DOCK1: variants seen among roughly 807,000 people sequenced by gnomAD.
DOCK1 encodes the protein dedicator of cytokinesis protein 1.
A neutral mutation model predicts 262.7 loss-of-function variants in DOCK1; 138 were observed. The ratio of observed to expected loss-of-function variants is 0.53; its 90% CI spans 0.46 to 0.61. The LOEUF is 0.61. Among genes scored for constraint, DOCK1 ranks in the 20% least tolerant of loss-of-function variants. DOCK1 has a pLI of 0.00. For synonymous variants in DOCK1, 866 were observed against 867.4 expected, an observed-to-expected ratio of 1.00 and a Z score of 0.03; for missense variants, 1,908 against 2,370.7, an observed-to-expected ratio of 0.80 and a Z score of 4.05.
chr10:127,146,071 C>A (rs2051815226), intron 27 of DOCK1: 1 of 514,480 alleles, frequency 1.9e-6, no homozygotes. Context: ...GGACTGCGTC[C>A]CGTATTTACC....
At chr10:127,410,756 T>C in intron 42 of DOCK1, 84 bp from the exon 43 acceptor site, 2 of 1,248,726 alleles carry the variant, frequency 1.6e-6, no homozygotes, top group Non-Finnish European at 2.3e-6. Flanking sequence ...GGCAGTGACA[T>C]GTTCTAAGGC....
At chr10:127,279,530 A>T (rs1462440443) in intron 29 of DOCK1, among the ~76,000 whole-genome samples, 2 of 152,222 alleles carry the variant, frequency 1.3e-5, no homozygotes, top group Non-Finnish European at 2.9e-5. Context: ...ACTTGTTTTG[A>T]TGTAGAACTT....
At chr10:127,323,597 C>T (rs2766050) in intron 29 of DOCK1, among the ~76,000 whole-genome samples, 101,929 of 152,068 alleles carry the variant, frequency 0.67, 35,808 homozygotes, top group African/African-American at 0.89. Context: ...ATCCCGCTTC[C>T]CCAGACCACA....
chr10:127,280,897 G>A (rs929323350), intron 29 of DOCK1, among the ~76,000 whole-genome samples: 1 of 152,168 alleles, frequency 6.6e-6, no homozygotes, highest in Non-Finnish European at 1.5e-5. Context: ...ATAGTGCAAA[G>A]GAAGTGAAGA....
rs71941085 is a variant in DOCK1 at position 127,049,968 on chromosome 10, C to CTTT, written c.2202-2692_2202-2690dup. ...AACAGCATAATGACAAAACTGGCCTCTTTTTTTTTTTTTTTTTTTTTTTAC... is the reference window on the plus strand; with the variant it reads ...AACAGCATAATGACAAAACTGGCCTCTTTTTTTTTTTTTTTTTTTTTTTTTTAC... On this transcript the variant is annotated intron_variant, in intron 21 of 51. Transcript: ENST00000623213. Among the ~76,000 whole-genome samples the CTTT allele has an allele frequency of 9.7e-3, 975 of 100,020 alleles. 39 individuals are homozygous for CTTT. Among genetic ancestry groups the CTTT allele is most frequent in the East Asian group, 0.019 (59 of 3,116 alleles). 65.6% of individuals were successfully genotyped at this position (100,020 alleles called of 152,430 possible). A position where few individuals can be genotyped will look rare whatever the true frequency, so the allele number is the denominator to read the frequency against.
At chr10:127,037,201 C>T (rs535862452) in intron 18 of DOCK1, among the ~76,000 whole-genome samples, 1 of 152,252 alleles carries the variant, frequency 6.6e-6, no homozygotes, top group Non-Finnish European at 1.5e-5. Flanking sequence ...AGGCGTGAAC[C>T]TCAGTGCAGG....
intron 27 of DOCK1, among the ~76,000 whole-genome samples, chr10:127,196,945 C>T (rs2134188514): frequency 6.6e-6 from 1 of 152,200 alleles, no homozygotes; most frequent in African/African-American, 2.4e-5. Context: ...GACCCTGCTG[C>T]ATGACTGTCT....
At chr10:127,143,933 C>T (rs951434990) in intron 27 of DOCK1, among the ~76,000 whole-genome samples, 1 of 152,204 alleles carries the variant, frequency 6.6e-6, no homozygotes, top group Non-Finnish European at 1.5e-5. Flanking sequence ...CAGCCTGCAT[C>T]TCTGTCCTTC....
intron 1 of DOCK1, among the ~76,000 whole-genome samples, chr10:126,967,524 G>C (rs2037760360): frequency 7.4e-6 from 1 of 135,044 alleles, no homozygotes; most frequent in African/African-American, 3.0e-5. Context: ...TCCTATTGCT[G>C]CTGTGACGAA....
At chr10:127,303,291 G>A (rs573424060) in intron 29 of DOCK1, among the ~76,000 whole-genome samples, 1 of 152,242 alleles carries the variant, frequency 6.6e-6, no homozygotes, top group African/African-American at 2.4e-5. Context: ...CCTGAAAACA[G>A]GCCAATGACT....
intron 27 of DOCK1, among the ~76,000 whole-genome samples, chr10:127,204,458 T>C (rs924908772): frequency 6.6e-6 from 1 of 152,118 alleles, no homozygotes; most frequent in African/African-American, 2.4e-5. Flanking sequence ...AGCTAATCTT[T>C]GTATTTTTAG....
chr10:127,426,974 C>T (rs1343285216), intron 47 of DOCK1, among the ~76,000 whole-genome samples: 2 of 152,234 alleles, frequency 1.3e-5, no homozygotes, highest in African/African-American at 2.4e-5. Flanking sequence ...CCGTGAGTCA[C>T]AGTGCTGCCC....
At chr10:126,998,308 T>A (rs2040352970) in intron 8 of DOCK1, 59 bp downstream of exon 8, 1 of 1,605,046 alleles carries the variant, frequency 6.2e-7, no homozygotes, top group African/African-American at 1.3e-5. Flanking sequence ...GAACTTGGGA[T>A]CAGAACCACT....
At chr10:126,963,557 C>T (rs1279693276) in intron 1 of DOCK1, among the ~76,000 whole-genome samples, 1 of 147,446 alleles carries the variant, frequency 6.8e-6, no homozygotes, top group Non-Finnish European at 1.5e-5. Context: ...CGTCCTTTCG[C>T]TTCCCTCCTC....
At chr10:127,202,265 G>A (rs1381329943) in intron 27 of DOCK1, among the ~76,000 whole-genome samples, 1 of 151,980 alleles carries the variant, frequency 6.6e-6, no homozygotes, top group Non-Finnish European at 1.5e-5. Flanking sequence ...GAAGGTTGCA[G>A]TGAGCCAAGA....
intron 27 of DOCK1, among the ~76,000 whole-genome samples, chr10:127,173,547 T>C (rs967987714): frequency 1.8e-4 from 28 of 152,226 alleles, no homozygotes; most frequent in African/African-American, 6.3e-4. Context: ...CCTGTGAGTA[T>C]GCACATTAGT....
At chr10:127,125,838 A>C (rs2049917840) in intron 26 of DOCK1, among the ~76,000 whole-genome samples, 1 of 152,134 alleles carries the variant, frequency 6.6e-6, no homozygotes, top group African/African-American at 2.4e-5. Context: ...TTCTCGACGA[A>C]ATGTCTCTCA....
At chr10:126,923,034 G>A (rs953170637) in intron 1 of DOCK1, among the ~76,000 whole-genome samples, 5 of 152,130 alleles carry the variant, frequency 3.3e-5, no homozygotes, top group Non-Finnish European at 7.3e-5. Flanking sequence ...GCTTCAGCCC[G>A]GGAGGCGGAG....
intron 1 of DOCK1, among the ~76,000 whole-genome samples, chr10:126,918,202 C>G (rs944223662): frequency 4.6e-5 from 7 of 151,052 alleles, no homozygotes; most frequent in Non-Finnish European, 1.0e-4. Context: ...TCCACTGATG[C>G]CTGGGATTGA....
Sources: allele counts gnomAD v4.1 joint callset (sites outside exome capture counted in the v4.1 genomes callset), GRCh38; gene constraint gnomAD v4.1.1; transcripts MANE v1.5; gene names NCBI Gene and HGNC (gene_info 2026-07-23, HGNC 2026-07-21).